Variants in KRTAP1-5 observed in about 807,000 individuals in gnomAD.
The protein encoded by KRTAP1-5 is keratin-associated protein 1-5.
KRTAP1-5 carries 10 observed loss-of-function variants against 14.2 expected under a neutral mutation model. The observed-to-expected ratio is 0.70, with a 90% CI of 0.43 to 1.19. The LOEUF (loss-of-function observed/expected upper bound fraction) is 1.19, where lower values mean the gene tolerates loss of function less well. KRTAP1-5 is among the 50% of genes most tolerant of loss of function. KRTAP1-5 has a pLI of 0.00. For missense variants in KRTAP1-5, 234 were observed against 223.5 expected (o/e 1.05, Z -0.30); for synonymous variants, 107 against 80.2 (o/e 1.33, Z -1.79).
At position 41,027,019 on chromosome 17, in the gene KRTAP1-5, C is replaced by G; in HGVS notation, c.137G>C (p.Gly46Ala). 6.2e-7 allele frequency: 1 copy of G among 1,608,568 alleles called. No individual in the cohort carries two copies. The highest frequency in any genetic ancestry group is 2.3e-5 in the East Asian group (1 of 43,834). ...CCCACTGGTTGAGAAGCTGGGAAATCCGCAGAAGCTAGTCTGGCAGCTGCG... is the reference window on the plus strand; with the variant it reads ...CCCACTGGTTGAGAAGCTGGGAAATGCGCAGAAGCTAGTCTGGCAGCTGCG... ...QPRSCQTSFCGFPSFSTSGTC... is the reference protein window; with the variant it reads ...QPRSCQTSFCAFPSFSTSGTC... Residue 46 changes from glycine (G) to alanine (A), a missense_variant, in exon 1 of 1, where the codon GGA becomes GCA. Coordinates refer to ENST00000361883, the MANE Select transcript of KRTAP1-5 (RefSeq NM_031957.2).
At position 41,026,971 on chromosome 17, in the gene KRTAP1-5, T is replaced by C; in HGVS notation, c.185A>G (p.Gln62Arg). The C allele has an allele frequency of 3.1e-6, 5 of 1,608,838 alleles. No homozygotes were observed. The highest frequency in any genetic ancestry group is 4.2e-6 in the Non-Finnish European group (5 of 1,179,022). Residue 62 changes from glutamine (Q) to arginine (R), a missense_variant, in exon 1 of 1, where the codon CAG (glutamine) becomes CGG (arginine). Coordinates refer to ENST00000361883, the MANE Select transcript of KRTAP1-5 (RefSeq NM_031957.2). ...TSGTCSSSCC[Q>R]PSCCETSCCQ... The stretch of plus-strand genomic sequence containing the variant: ...GCAGCTGGTCTCACAGCAGCTTGGC[T>C]GGCAGCAACTGGAGCTGCAGGTCCC...
rs1471991863 is a variant in KRTAP1-5, at chr17:41,026,552, T to C, written c.*79A>G. ...AGCAATGCAAAGTCTGAGAACTTGT[T>C]AGTGGTCCAGAGGTGGTCAAGGGAT... On this transcript the variant is annotated 3_prime_UTR_variant, in exon 1 of 1. Transcript: ENST00000361883. The C allele has an allele frequency of 6.9e-7, 1 of 1,454,338 alleles. No individual in the cohort carries two copies. The highest frequency in any genetic ancestry group is 9.3e-7 in the Non-Finnish European group (1 of 1,076,214). 90.1% of individuals were successfully genotyped at this position (1,454,338 alleles called of 1,614,324 possible). A position where few individuals can be genotyped will look rare whatever the true frequency, so the allele number is the denominator to read the frequency against.
chr17:41,026,640 G>A lies in KRTAP1-5; in HGVS notation c.516C>T (p.Pro172=). The A allele has an allele frequency of 1.3e-6, 2 of 1,598,146 alleles. No homozygotes were observed. Among genetic ancestry groups the A allele is most frequent in the South Asian group, 2.2e-5 (2 of 89,300 alleles). The change falls in exon 1 of 1, where the codon CCC becomes CCT. Residue 172 remains proline (P), a synonymous_variant. Transcript: ENST00000361883. ...ATAAGCAAACTGGCTTTCAGCAAGT[G>A]GGCTCACAGCAGCAGACTGGGCGGC... ...SCCRPVCCCE[P]TC is the part of the protein sequence containing the mutation.
chr17:41,026,765 G>T lies in KRTAP1-5; in HGVS notation c.391C>A (p.Pro131Thr), dbSNP rs781780441. Residue 131 changes from proline (P) to threonine (T), a missense_variant, in exon 1 of 1, where the codon CCC becomes ACC. Transcript: ENST00000361883. The stretch of plus-strand genomic sequence containing the variant: ...GTGCAGCTCACCACACAGCAGGGGG[G>T]TAGGTAGGTGCCCTCCACACGACTG... ...PDSRVEGTYL[P>T]PCCVVSCTPP... The T allele has an allele frequency of 1.5e-5, 25 of 1,613,294 alleles. No homozygotes were observed. The highest frequency in any genetic ancestry group is 2.0e-5 in the Non-Finnish European group (24 of 1,179,920).
In KRTAP1-5 at chr17:41,026,488, T is replaced by G. The variant is rs1038325023; in HGVS notation, c.*143A>C. On this transcript the variant is annotated 3_prime_UTR_variant, in exon 1 of 1. Coordinates refer to ENST00000361883, the MANE Select transcript of KRTAP1-5 (RefSeq NM_031957.2). Reference sequence around the variant, plus strand: ...GTATTCATTGTAGAATGGAATCAGATAGAATTGTGAGCTCATATACTTAGT... The same window carrying G: ...GTATTCATTGTAGAATGGAATCAGAGAGAATTGTGAGCTCATATACTTAGT... The G allele has an allele frequency of 4.4e-4, 385 of 881,960 alleles. 1 individual carries two copies. The highest frequency in any genetic ancestry group is 5.0e-4 in the Non-Finnish European group (293 of 580,988). 54.6% of individuals were successfully genotyped at this position (881,960 alleles called of 1,614,324 possible).
rs534171351 is a variant in KRTAP1-5, at chr17:41,026,688, C to T, written c.468G>A (p.Pro156=). 1.5e-4 allele frequency: 250 copies of T among 1,613,204 alleles called. No homozygotes were observed. The highest frequency in any genetic ancestry group is 8.8e-4 in the South Asian group (80 of 90,894). ...LHHAQASCCR[P]SYCGQSCCRP... The stretch of plus-strand genomic sequence containing the variant: ...GGCAGCAGGACTGTCCACAGTAGGA[C>T]GGGCGGCAGCAGGAGGCCTGGGCAT... Residue 156 remains proline, a synonymous_variant, in exon 1 of 1, where the codon CCG becomes CCA. Coordinates refer to ENST00000361883, the MANE Select transcript of KRTAP1-5 (RefSeq NM_031957.2).
Position 41,026,823 on chromosome 17 carries a change from A to C in KRTAP1-5, c.333T>G (p.Ala111=). ...GGCACCACCTGATACGGGTGCTCACAGCTCCACTGCTGCCCTCCTGGCCAT... is the reference window on the plus strand; with the variant it reads ...GGCACCACCTGATACGGGTGCTCACCGCTCCACTGCTGCCCTCCTGGCCAT... ...ISYGQEGSSG[A]VSTRIRWCRP... Residue 111 remains alanine (A), a synonymous_variant, in exon 1 of 1, where the codon GCT becomes GCG. Transcript: ENST00000361883. The C allele has an allele frequency of 6.2e-7, 1 of 1,612,652 alleles. No individual in the cohort carries two copies. The highest frequency in any genetic ancestry group is 8.5e-7 in the Non-Finnish European group (1 of 1,179,978).
chr17:41,026,425 G>A lies in KRTAP1-5; in HGVS notation c.*206C>T. The A allele has an allele frequency of 1.8e-6, 1 of 546,692 alleles. No homozygotes were observed. The highest frequency in any genetic ancestry group is 3.2e-6 in the Non-Finnish European group (1 of 310,824). The allele number at this position is 546,692 out of a possible 1,614,324, so 33.9% of individuals were successfully genotyped here. On this transcript the variant is annotated 3_prime_UTR_variant, in exon 1 of 1. Transcript: ENST00000361883. ...CAAGCAAATTGATGATCAGCAGGTGGCTTTGTAGCATTTCTGTGTCCCCAG... is the reference window on the plus strand; with the variant it reads ...CAAGCAAATTGATGATCAGCAGGTGACTTTGTAGCATTTCTGTGTCCCCAG...
In KRTAP1-5 at chr17:41,026,129, CA is replaced by C. The variant is rs1015175912; in HGVS notation, c.*501del. The C allele has an allele frequency of 6.5e-6, 1 of 154,746 alleles. No individual in the cohort carries two copies. Among genetic ancestry groups the C allele is most frequent in the African/African-American group, 2.4e-5 (1 of 41,454 alleles). The allele number at this position is 154,746 out of a possible 1,614,324, so 9.6% of individuals were successfully genotyped here. ...GGCAAGATCATTATGATCCAAAAAC[CA>C]AGGGATGGATCAGATGTTAAAATGT... On this transcript the variant is annotated 3_prime_UTR_variant, in exon 1 of 1. Coordinates refer to ENST00000361883, the MANE Select transcript of KRTAP1-5 (RefSeq NM_031957.2).
rs2012342559 is a variant in KRTAP1-5, at chr17:41,026,895, C to A, written c.261G>T (p.Gln87His). Reference protein sequence around the residue: ...ETSCCQPSCCQISSCGTGCGI... With the variant: ...ETSCCQPSCCHISSCGTGCGI... ...CACAGCCAGTTCCGCAGGAGCTGAT[C>A]TGGCAGCAGCTTGGCTGGCAGCAGC... is the stretch of plus-strand genomic sequence containing the variant. The change falls in exon 1 of 1, where the codon CAG becomes CAT. Residue 87 changes from glutamine to histidine, a missense_variant. Gln to His is a conservative substitution (Grantham distance 24). Transcript: ENST00000361883. 1 of 1,612,826 alleles carries A rather than the reference C, an allele frequency of 6.2e-7. No individual in the cohort carries two copies. The highest frequency in any genetic ancestry group is 8.5e-7 in the Non-Finnish European group (1 of 1,179,952).
In KRTAP1-5 at chr17:41,027,191, G is replaced by A. The variant is rs2012355010; in HGVS notation, c.-36C>T. 2.5e-6 allele frequency: 4 copies of A among 1,604,944 alleles called. No individual in the cohort carries two copies. The highest frequency in any genetic ancestry group is 3.4e-6 in the Non-Finnish European group (4 of 1,173,906). On this transcript the variant is annotated 5_prime_UTR_variant, in exon 1 of 1. Coordinates refer to ENST00000361883, the MANE Select transcript of KRTAP1-5 (RefSeq NM_031957.2). ...GTTGGGTTAAGAGTTAGGTTGCTTG[G>A]AGGAGTTTCTGAGGTTTGGTGGTGA...
chr17:41,026,669 A>T lies in KRTAP1-5; in HGVS notation c.487T>A (p.Cys163Ser), dbSNP rs761702235. ...CCRPSYCGQS[C>S]CRPVCCCEPT... ...TCACAGCAGCAGACTGGGCGGCAGCAGGACTGTCCACAGTAGGACGGGCGG... is the reference window on the plus strand; with the variant it reads ...TCACAGCAGCAGACTGGGCGGCAGCTGGACTGTCCACAGTAGGACGGGCGG... The change falls in exon 1 of 1, where the codon TGC (cysteine) becomes AGC (serine). Residue 163 changes from cysteine to serine, a missense_variant. By Grantham distance (112) the Cys-to-Ser change is moderately radical. Transcript: ENST00000361883. 3 of 1,610,618 alleles carry T rather than the reference A, an allele frequency of 1.9e-6. No homozygotes were observed. The East Asian group carries it at 6.7e-5, about 36-fold the overall frequency.
rs1189351440 is a variant in KRTAP1-5, at chr17:41,026,777, C to T, written c.379G>A (p.Gly127Ser). The change falls in exon 1 of 1, where the codon GGC (glycine) becomes AGC (serine). Residue 127 changes from glycine (G) to serine (S), a missense_variant. Physicochemically the swap from Gly to Ser is moderately conservative, Grantham distance 56. Transcript: ENST00000361883. ...RWCRPDSRVE[G>S]TYLPPCCVVS... Reference sequence around the variant, plus strand: ...ACACAGCAGGGGGGTAGGTAGGTGCCCTCCACACGACTGTCTGGGCGGCAC... The same window carrying T: ...ACACAGCAGGGGGGTAGGTAGGTGCTCTCCACACGACTGTCTGGGCGGCAC... The T allele has an allele frequency of 3.1e-6, 5 of 1,613,372 alleles. No individual in the cohort carries two copies. The highest frequency in any genetic ancestry group is 4.2e-6 in the Non-Finnish European group (5 of 1,180,008).
chr17:41,026,813 G>A lies in KRTAP1-5; in HGVS notation c.343C>T (p.Arg115Cys), dbSNP rs145881217. The A allele has an allele frequency of 1.8e-3, 2,835 of 1,612,766 alleles. 9 individuals are homozygous for A. Among genetic ancestry groups the A allele is most frequent in the East Asian group, 0.015 (681 of 44,880 alleles). The change falls in exon 1 of 1, where the codon CGT (arginine) becomes TGT (cysteine). Residue 115 changes from arginine to cysteine, a missense_variant. Coordinates refer to ENST00000361883, the MANE Select transcript of KRTAP1-5 (RefSeq NM_031957.2). Reference protein sequence around the residue: ...QEGSSGAVSTRIRWCRPDSRV... With the variant: ...QEGSSGAVSTCIRWCRPDSRV... ...CTGTCTGGGCGGCACCACCTGATACGGGTGCTCACAGCTCCACTGCTGCCC... is the reference window on the plus strand; with the variant it reads ...CTGTCTGGGCGGCACCACCTGATACAGGTGCTCACAGCTCCACTGCTGCCC...
rs760595590 is a variant in KRTAP1-5 at position 41,027,194 on chromosome 17, G to C, written c.-39C>G. The C allele has an allele frequency of 1.7e-5, 27 of 1,602,926 alleles. No individual in the cohort carries two copies. The highest frequency in any genetic ancestry group is 2.3e-5 in the Non-Finnish European group (27 of 1,172,850). On this transcript the variant is annotated 5_prime_UTR_variant, in exon 1 of 1. Transcript: ENST00000361883. ...GGGTTAAGAGTTAGGTTGCTTGGAG[G>C]AGTTTCTGAGGTTTGGTGGTGACTT... is the stretch of plus-strand genomic sequence containing the variant.
At position 41,026,793 on chromosome 17, in the gene KRTAP1-5, T is replaced by G. The variant is rs1394884794; in HGVS notation, c.363A>C (p.Pro121=). ...GGTAGGTGCCCTCCACACGACTGTC[T>G]GGGCGGCACCACCTGATACGGGTGC... The part of the protein sequence containing the change: ...AVSTRIRWCR[P]DSRVEGTYLP... Residue 121 remains proline, a synonymous_variant, in exon 1 of 1, where the codon CCA becomes CCC. Coordinates refer to ENST00000361883, the MANE Select transcript of KRTAP1-5 (RefSeq NM_031957.2). 6.2e-7 allele frequency: 1 copy of G among 1,613,166 alleles called. No homozygotes were observed. Among genetic ancestry groups the G allele is most frequent in the Admixed American group, 1.7e-5 (1 of 60,024 alleles).
rs1409751479 is a variant in KRTAP1-5 at position 41,026,698 on chromosome 17, C to A, written c.458G>T (p.Cys153Phe). 2 of 1,613,564 alleles carry A rather than the reference C, an allele frequency of 1.2e-6. No homozygotes were observed. Among genetic ancestry groups the A allele is most frequent in the African/African-American group, 1.3e-5 (1 of 74,920 alleles). ...CTGTCCACAGTAGGACGGGCGGCAG[C>A]AGGAGGCCTGGGCATGGTGCAGTTG... ...CCQLHHAQAS[C>F]CRPSYCGQSC... Residue 153 changes from cysteine to phenylalanine, a missense_variant, in exon 1 of 1, where the codon TGC becomes TTC. Transcript: ENST00000361883.
chr17:41,027,172 T>C lies in KRTAP1-5; in HGVS notation c.-17A>G. Reference sequence around the variant, plus strand: ...GCAGGTCATGGTGTCAGAAGTTGGGTTAAGAGTTAGGTTGCTTGGAGGAGT... The same window carrying C: ...GCAGGTCATGGTGTCAGAAGTTGGGCTAAGAGTTAGGTTGCTTGGAGGAGT... On this transcript the variant is annotated 5_prime_UTR_variant, in exon 1 of 1. Transcript: ENST00000361883. The C allele has an allele frequency of 6.2e-7, 1 of 1,613,154 alleles. No individual in the cohort carries two copies. The highest frequency in any genetic ancestry group is 8.5e-7 in the Non-Finnish European group (1 of 1,179,292).
Position 41,026,979 on chromosome 17 carries a change from A to C in KRTAP1-5, c.177T>G (p.Ser59Arg), listed in dbSNP as rs756063130. 6.3e-7 allele frequency: 1 copy of C among 1,586,880 alleles called. No homozygotes were observed. ...SFSTSGTCSS[S>R]CCQPSCCETS... is the part of the protein sequence containing the mutation. Reference sequence around the variant, plus strand: ...TCTCACAGCAGCTTGGCTGGCAGCAACTGGAGCTGCAGGTCCCACTGGTTG... The same window carrying C: ...TCTCACAGCAGCTTGGCTGGCAGCACCTGGAGCTGCAGGTCCCACTGGTTG... The change falls in exon 1 of 1, where the codon AGT becomes AGG. Residue 59 changes from serine to arginine, a missense_variant. Ser to Arg is a moderately radical substitution (Grantham distance 110). Coordinates refer to ENST00000361883, the MANE Select transcript of KRTAP1-5 (RefSeq NM_031957.2).
Sources: gnomAD v4.1 joint callset for allele counts on GRCh38, gnomAD v4.1.1 for gene constraint, MANE v1.5 for transcripts, NCBI Gene and HGNC (gene_info 2026-07-23, HGNC 2026-07-21) for gene names.